GADL1: variants seen among roughly 807,000 people sequenced by gnomAD.
GADL1 encodes the protein GAD like acidic amino acid decarboxylase 1.
GADL1 carries 71 observed loss-of-function variants against 69.5 expected under a neutral mutation model. The observed-to-expected ratio is 1.02, with a 90% CI of 0.84 to 1.25. The LOEUF is 1.25. GADL1 is among the 50% of genes most tolerant of loss of function. The pLI is 0.00. For missense variants in GADL1, 737 were observed against 631.8 expected, an observed-to-expected ratio of 1.17 and a Z score of -1.79; for synonymous variants, 254 against 214.4, an observed-to-expected ratio of 1.18 and a Z score of -1.62.
chr3:30,787,705 A>C (rs943557567), intron 12 of GADL1, among the ~76,000 whole-genome samples: 1 of 152,164 alleles, frequency 6.6e-6, no homozygotes, highest in African/African-American at 2.4e-5. Flanking sequence ...ATTTAAAGAC[A>C]CAACCATGCT....
chr3:30,840,470 C>CT lies in GADL1; in HGVS notation c.787-1358dup, dbSNP rs1314507027. Among the ~76,000 whole-genome samples, 8 of 152,248 alleles carry CT rather than the reference C, an allele frequency of 5.3e-5. No homozygotes were observed. In the South Asian group the frequency reaches 1.2e-3, roughly 24 times the overall value. The stretch of plus-strand genomic sequence containing the variant: ...GACAGAGCCCTGGAGAAACCAGAGG[C>CT]TTTGAAACTTCTTCCCTGTATTCAA... On this transcript the variant is annotated intron_variant, in intron 8 of 14. Coordinates refer to ENST00000282538, the MANE Select transcript of GADL1 (RefSeq NM_207359.3).
intron 14 of GADL1, among the ~76,000 whole-genome samples, chr3:30,746,887 G>A (rs1023431281): frequency 1.3e-5 from 2 of 152,158 alleles, no homozygotes; most frequent in African/African-American, 4.8e-5. Context: ...GGCCAGCAAT[G>A]CAGGGGAGTG....
rs181527170 is a variant in GADL1 at position 30,847,191 on chromosome 3, A to C, written c.652-2725T>G. On this transcript the variant is annotated intron_variant, in intron 6 of 14. Coordinates refer to ENST00000282538, the MANE Select transcript of GADL1 (RefSeq NM_207359.3). ...CCCTTCTCTTAGATGCCTATTTAGC[A>C]CTAGAGAGGCAACCTTGGATATATT... Among the ~76,000 whole-genome samples, 6 of 152,282 alleles carry C rather than the reference A, an allele frequency of 3.9e-5. No homozygotes were observed. In the East Asian group the frequency reaches 9.7e-4, roughly 25 times the overall value.
intron 8 of GADL1, among the ~76,000 whole-genome samples, chr3:30,843,015 A>T (rs185504288): frequency 8.9e-4 from 135 of 152,102 alleles, no homozygotes; most frequent in African/African-American, 3.1e-3. Context: ...TAAAAACATT[A>T]AAAAACCCAT....
At chr3:30,878,673 T>G (rs1182831644) in intron 1 of GADL1, among the ~76,000 whole-genome samples, 1 of 151,896 alleles carries the variant, frequency 6.6e-6, no homozygotes, top group Non-Finnish European at 1.5e-5. Flanking sequence ...GCAACTGCAC[T>G]TATCCAAAGA....
intron 1 of GADL1, among the ~76,000 whole-genome samples, chr3:30,876,819 A>G (rs1027462139): frequency 2.6e-5 from 4 of 151,956 alleles, no homozygotes. Context: ...TGGTAACACT[A>G]ATGTCTGTCT....
intron 11 of GADL1, among the ~76,000 whole-genome samples, chr3:30,822,156 A>G (rs1026274668): frequency 6.6e-5 from 10 of 152,100 alleles, no homozygotes; most frequent in African/African-American, 2.4e-4. Context: ...ACAAAATTCC[A>G]CAACAAGAAT....
At chr3:30,766,784 AG>A (rs2125489314) in intron 14 of GADL1, among the ~76,000 whole-genome samples, 1 of 152,300 alleles carries the variant, frequency 6.6e-6, no homozygotes, top group African/African-American at 2.4e-5. Context: ...GGACAAGGTA[AG>A]AAGGTTGAGT....
intron 14 of GADL1, among the ~76,000 whole-genome samples, chr3:30,753,028 C>G (rs367628802): frequency 6.6e-6 from 1 of 152,110 alleles, no homozygotes; most frequent in Non-Finnish European, 1.5e-5. Flanking sequence ...AAAGGAGAGT[C>G]ATAACGGGCA....
At chr3:30,884,864 T>C (rs980671621) in intron 1 of GADL1, among the ~76,000 whole-genome samples, 1 of 152,022 alleles carries the variant, frequency 6.6e-6, no homozygotes, top group Non-Finnish European at 1.5e-5. Context: ...ATATTCTCTA[T>C]CAACCCTCAC....
intron 8 of GADL1, among the ~76,000 whole-genome samples, chr3:30,842,298 A>G (rs989524329): frequency 4.6e-5 from 7 of 152,126 alleles, no homozygotes; most frequent in Admixed American, 1.3e-4. Flanking sequence ...ATCCTTCATA[A>G]ATATACTCAA....
At chr3:30,752,025 A>G (rs1344816341) in intron 14 of GADL1, among the ~76,000 whole-genome samples, 2 of 152,176 alleles carry the variant, frequency 1.3e-5, no homozygotes, top group Non-Finnish European at 2.9e-5. Context: ...AATTAAACCC[A>G]GTAGGCAGAA....
chr3:30,765,645 C>G (rs370323841), intron 14 of GADL1, among the ~76,000 whole-genome samples: 27 of 152,160 alleles, frequency 1.8e-4, no homozygotes, highest in African/African-American at 6.3e-4. Flanking sequence ...CATCTTAAAA[C>G]TCTGGGTAAT....
chr3:30,743,322 T>G lies in GADL1; in HGVS notation c.1393-14907A>C, dbSNP rs184756755. On this transcript the variant is annotated intron_variant, in intron 14 of 14. Transcript: ENST00000282538. ...TACCAGGCAGCTTTTTAGATGATTTTACTTTCCATTTTATAACTCCAGCAA... is the reference window on the plus strand; with the variant it reads ...TACCAGGCAGCTTTTTAGATGATTTGACTTTCCATTTTATAACTCCAGCAA... Among the ~76,000 whole-genome samples, 137 of 152,344 alleles carry G rather than the reference T, an allele frequency of 9.0e-4. No individual in the cohort carries two copies. The Middle Eastern group carries it at 0.014, about 15-fold the overall frequency.
At chr3:30,762,505 G>A (rs1231646602) in intron 14 of GADL1, among the ~76,000 whole-genome samples, 3 of 152,100 alleles carry the variant, frequency 2.0e-5, no homozygotes, top group Non-Finnish European at 4.4e-5. Flanking sequence ...CACCATAGTA[G>A]GTGTATATAA....
intron 14 of GADL1, among the ~76,000 whole-genome samples, chr3:30,735,286 A>C (rs1175460469): frequency 6.6e-6 from 1 of 152,172 alleles, no homozygotes; most frequent in African/African-American, 2.4e-5. Context: ...GAATGAAATC[A>C]TTCACTCTAT....
At chr3:30,770,794 T>G (rs576005191) in intron 14 of GADL1, among the ~76,000 whole-genome samples, 1 of 144,066 alleles carries the variant, frequency 6.9e-6, no homozygotes, top group East Asian at 2.0e-4. Flanking sequence ...CACAATAAAT[T>G]AGAACAATCC....
chr3:30,767,556 T>C (rs1018373979), intron 14 of GADL1, among the ~76,000 whole-genome samples: 2 of 152,168 alleles, frequency 1.3e-5, no homozygotes, highest in African/African-American at 4.8e-5. Context: ...GTTAGATTCA[T>C]ACTTTGCATG....
At chr3:30,800,787 C>G (rs1295773287) in intron 12 of GADL1, 102 bp downstream of exon 12, 5 of 946,610 alleles carry the variant, frequency 5.3e-6, no homozygotes, top group Non-Finnish European at 8.1e-6. Context: ...CTTAGGTCTT[C>G]CTATTACAGA....
Sources: allele counts gnomAD v4.1 joint callset (sites outside exome capture counted in the v4.1 genomes callset), GRCh38; gene constraint gnomAD v4.1.1; transcripts MANE v1.5; gene names NCBI Gene and HGNC (gene_info 2026-07-23, HGNC 2026-07-21).